Variants in SLC17A6 observed in about 807,000 individuals in gnomAD.
The protein encoded by SLC17A6 is vesicular glutamate transporter 2.
Under a neutral mutation model 67.1 loss-of-function variants are expected in SLC17A6, and 35 were observed. That is an observed-to-expected ratio of 0.52 (90% CI 0.40 to 0.69). SLC17A6 has a LOEUF of 0.69. SLC17A6 is among the 30% of genes least tolerant of loss of function. SLC17A6 has a pLI of 0.00. For missense variants in SLC17A6, 588 were observed against 723.9 expected (o/e 0.81, Z 2.15); for synonymous variants, 285 against 252.3 (o/e 1.13, Z -1.23).
rs1012020154 is a variant in SLC17A6, at chr11:22,365,696, A to C, written c.891+7A>C. 1.9e-6 allele frequency: 3 copies of C among 1,612,260 alleles called. No individual in the cohort carries two copies. In the East Asian group the frequency reaches 6.7e-5, roughly 36 times the overall value. ...TCTTTTAGGTGCAATGGAAGTAAGA[A>C]ATTTATTATGGTGTATATTCCTATC... On this transcript the variant is annotated splice_region_variant and intron_variant, in intron 7 of 11. Transcript: ENST00000263160.
At chr11:22,360,530 C>T (rs537182564) in intron 4 of SLC17A6, among the ~76,000 whole-genome samples, 3 of 137,776 alleles carry the variant, frequency 2.2e-5, no homozygotes, top group African/African-American at 5.1e-5. Context: ...TCTCCTTCCC[C>T]CCCCCCCAAA....
chr11:22,341,335 G>C (rs1855813225), intron 1 of SLC17A6, among the ~76,000 whole-genome samples, 193 bp from the exon 2 acceptor site: 1 of 152,154 alleles, frequency 6.6e-6, no homozygotes, highest in Non-Finnish European at 1.5e-5. Context: ...CCGCGGCCAA[G>C]GGCACCTGCA....
intron 3 of SLC17A6, among the ~76,000 whole-genome samples, chr11:22,348,955 G>T (rs1427620247): frequency 6.6e-6 from 1 of 152,146 alleles, no homozygotes; most frequent in Admixed American, 6.6e-5. Context: ...TCTTCAGAGA[G>T]ATGCAACAGT....
At chr11:22,357,422 G>C (rs1235513901) in intron 3 of SLC17A6, among the ~76,000 whole-genome samples, 3 of 152,134 alleles carry the variant, frequency 2.0e-5, no homozygotes, top group Non-Finnish European at 4.4e-5. Flanking sequence ...GGGAACATTT[G>C]ACAATTACTG....
intron 4 of SLC17A6, 62 bp from the exon 5 acceptor site, chr11:22,360,835 G>T: frequency 2.1e-6 from 3 of 1,436,586 alleles, no homozygotes; most frequent in Non-Finnish European, 2.9e-6. Flanking sequence ...GATTTGTACA[G>T]GATACTAAAA....
At chr11:22,355,387 C>A (rs1026582992) in intron 3 of SLC17A6, among the ~76,000 whole-genome samples, 1 of 152,104 alleles carries the variant, frequency 6.6e-6, no homozygotes, top group African/African-American at 2.4e-5. Flanking sequence ...CCTTTCCCCC[C>A]ACCCTCTTCT....
At chr11:22,347,542 T>A (rs1296282716) in intron 3 of SLC17A6, among the ~76,000 whole-genome samples, 1 of 152,194 alleles carries the variant, frequency 6.6e-6, no homozygotes, top group Non-Finnish European at 1.5e-5. Flanking sequence ...CTGTGACTAT[T>A]CAGCTTATTT....
intron 4 of SLC17A6, among the ~76,000 whole-genome samples, chr11:22,359,819 T>C (rs1461691805): frequency 6.6e-6 from 1 of 150,410 alleles, no homozygotes; most frequent in Non-Finnish European, 1.5e-5. Context: ...TAATGTGTCA[T>C]GACAAGAATT....
At chr11:22,345,986 A>G (rs2133860581) in intron 3 of SLC17A6, among the ~76,000 whole-genome samples, 1 of 152,318 alleles carries the variant, frequency 6.6e-6, no homozygotes, top group South Asian at 2.1e-4. Context: ...AAAGACGTAT[A>G]TTTCCTATTA....
intron 1 of SLC17A6, 65 bp downstream of exon 1, chr11:22,338,684 G>C (rs1855764570): frequency 8.8e-7 from 1 of 1,138,194 alleles, no homozygotes; most frequent in Non-Finnish European, 1.3e-6. Flanking sequence ...GGCCGTTTCC[G>C]TAAACCCTGG....
At chr11:22,363,463 T>C (rs1219800975) in intron 6 of SLC17A6, among the ~76,000 whole-genome samples, 1 of 152,212 alleles carries the variant, frequency 6.6e-6, no homozygotes, top group East Asian at 1.9e-4. Context: ...GAGGCACTTT[T>C]TAATGATGAG....
chr11:22,357,528 A>C (rs770075776), intron 3 of SLC17A6, among the ~76,000 whole-genome samples: 51 of 152,302 alleles, frequency 3.3e-4, no homozygotes, highest in Non-Finnish European at 4.9e-4. Context: ...CATACAGTAC[A>C]CAGGACAGCA....
Position 22,370,038 on chromosome 11 carries a change from G to T in SLC17A6, c.892-1G>T. The T allele has an allele frequency of 6.2e-7, 1 of 1,602,564 alleles. No individual in the cohort carries two copies. Among genetic ancestry groups the T allele is most frequent in the Non-Finnish European group, 8.5e-7 (1 of 1,176,742 alleles). Reference sequence around the variant, plus strand: ...TAATGTCTCTCTTTTTGGAATTTCAGAAATTCAAGACTCCATGGAGGAAGT... The same window carrying T: ...TAATGTCTCTCTTTTTGGAATTTCATAAATTCAAGACTCCATGGAGGAAGT... On this transcript the variant is annotated splice_acceptor_variant, in intron 7 of 11. Coordinates refer to ENST00000263160, the MANE Select transcript of SLC17A6 (RefSeq NM_020346.3). LOFTEE classifies it high-confidence loss of function.
intron 11 of SLC17A6, among the ~76,000 whole-genome samples, chr11:22,376,939 C>CTAGCT (rs1004218661): frequency 3.6e-4 from 55 of 152,202 alleles, no homozygotes; most frequent in African/African-American, 1.3e-3. Context: ...CCTTTTGTCT[C>CTAGCT]TAGCTTATTA....
chr11:22,339,059 GTT>G (rs1855771524), intron 1 of SLC17A6, among the ~76,000 whole-genome samples: 2 of 115,538 alleles, frequency 1.7e-5, no homozygotes, highest in Non-Finnish European at 3.5e-5. Flanking sequence ...AAGAGTAATG[GTT>G]TATATATATA....
chr11:22,344,192 G>A (rs1006090247), intron 3 of SLC17A6, among the ~76,000 whole-genome samples: 6 of 152,188 alleles, frequency 3.9e-5, no homozygotes, highest in African/African-American at 1.4e-4. Context: ...CAGAACACAT[G>A]CACCAGCTCT....
chr11:22,375,768 C>A (rs1423660432), intron 9 of SLC17A6, among the ~76,000 whole-genome samples: 2 of 152,150 alleles, frequency 1.3e-5, no homozygotes, highest in African/African-American at 4.8e-5. Flanking sequence ...ACATGAGCCA[C>A]CGCATCTGGC....
chr11:22,364,965 G>C (rs577507497), intron 6 of SLC17A6, among the ~76,000 whole-genome samples: 13 of 152,266 alleles, frequency 8.5e-5, no homozygotes, highest in African/African-American at 2.6e-4. Flanking sequence ...GTCACGTAAA[G>C]TGTTGTTACC....
At chr11:22,364,946 T>C (rs1273482051) in intron 6 of SLC17A6, among the ~76,000 whole-genome samples, 2 of 152,160 alleles carry the variant, frequency 1.3e-5, no homozygotes, top group Non-Finnish European at 2.9e-5. Flanking sequence ...GAAAATAATA[T>C]GGTATACAGT....
Sources: allele counts gnomAD v4.1 joint callset (sites outside exome capture counted in the v4.1 genomes callset), GRCh38; gene constraint gnomAD v4.1.1; transcripts MANE v1.5; gene names NCBI Gene and HGNC (gene_info 2026-07-23, HGNC 2026-07-21).